RBFOX1: variants seen among roughly 807,000 people sequenced by gnomAD.
RBFOX1 encodes the protein RNA binding protein fox-1 homolog 1.
RBFOX1 carries 8 observed loss-of-function variants against 57.7 expected under a neutral mutation model. The observed-to-expected ratio is 0.14, with a 90% CI of 0.08 to 0.25. The LOEUF is 0.25. Ranked by LOEUF, RBFOX1 falls within the 10% of genes least tolerant of loss-of-function variation. RBFOX1 has a pLI of 1.00. For synonymous variants in RBFOX1, 326 were observed against 222.4 expected (o/e 1.47, Z -4.15); for missense variants, 611 against 548.5 (o/e 1.11, Z -1.14).
chr16:6,782,724 G>C (rs984412872), intron 3 of RBFOX1, among the ~76,000 whole-genome samples: 1 of 152,118 alleles, frequency 6.6e-6, no homozygotes, highest in East Asian at 1.9e-4. Flanking sequence ...GAAATGTTTT[G>C]TAAATGTCTA....
intron 1 of RBFOX1, among the ~76,000 whole-genome samples, chr16:6,264,562 G>A (rs2097721625): frequency 6.6e-6 from 1 of 152,022 alleles, no homozygotes; most frequent in Non-Finnish European, 1.5e-5. Context: ...CAGCCACAGG[G>A]CCCTTCTCTG....
At chr16:5,282,074 TG>T (rs2063285694) in intron 1 of RBFOX1, among the ~76,000 whole-genome samples, 1 of 152,216 alleles carries the variant, frequency 6.6e-6, no homozygotes, top group Non-Finnish European at 1.5e-5. Flanking sequence ...AGTTGAATTG[TG>T]GCGGCAGGTC....
chr16:5,887,703 C>T (rs1355104835), intron 4 of RBFOX1, among the ~76,000 whole-genome samples: 1 of 152,172 alleles, frequency 6.6e-6, no homozygotes, highest in Non-Finnish European at 1.5e-5. Context: ...CATACCTGGC[C>T]TCCTTTCTCC....
intron 5 of RBFOX1, among the ~76,000 whole-genome samples, chr16:7,558,246 C>T (rs930574840): frequency 6.6e-6 from 1 of 151,848 alleles, no homozygotes; most frequent in African/African-American, 2.4e-5. Flanking sequence ...CCTAGGTACT[C>T]GAGAGGCTGA....
At chr16:5,413,019 GA>G (rs1181515293) in intron 1 of RBFOX1, among the ~76,000 whole-genome samples, 1 of 152,200 alleles carries the variant, frequency 6.6e-6, no homozygotes, top group Non-Finnish European at 1.5e-5. Context: ...AGCTCTGGAT[GA>G]AGCCACTCTG....
chr16:6,295,163 C>T (rs183051677), intron 1 of RBFOX1, among the ~76,000 whole-genome samples: 349 of 145,270 alleles, frequency 2.4e-3, no homozygotes, highest in Non-Finnish European at 3.9e-3. Context: ...CTCTCTCCAT[C>T]GCCAGGCTGG....
In RBFOX1 at chr16:7,247,268, G is replaced by T. The variant is rs532867298; in HGVS notation, c.27+195170G>T. 5.3e-5 allele frequency among the ~76,000 whole-genome samples: 8 copies of T among 152,244 alleles called. No individual in the cohort carries two copies. The South Asian group carries it at 1.5e-3, about 28-fold the overall frequency. ...TGCAAACGCCTTCAAGCCTTTAACC[G>T]CATCACACTCGCTGCCGGTTAACAT... is the stretch of plus-strand genomic sequence containing the variant. On this transcript the variant is annotated intron_variant, in intron 4 of 15. Transcript: ENST00000550418.
At chr16:7,166,968 T>G in intron 4 of RBFOX1, among the ~76,000 whole-genome samples, 2 of 130,528 alleles carry the variant, frequency 1.5e-5, no homozygotes, top group Admixed American at 8.3e-5. Flanking sequence ...GCTGCATTGG[T>G]GTTCTTTTTT....
chr16:6,016,047 A>T (rs1285908082), upstream of RBFOX1, among the ~76,000 whole-genome samples: 2 of 152,228 alleles, frequency 1.3e-5, no homozygotes, highest in African/African-American at 4.8e-5. Context: ...GCCCATTTAG[A>T]CAGCAATCTA....
chr16:6,730,390 C>G (rs1444019326), intron 3 of RBFOX1, among the ~76,000 whole-genome samples: 1 of 151,070 alleles, frequency 6.6e-6, no homozygotes, highest in Non-Finnish European at 1.5e-5. Context: ...CTCTCTGTCT[C>G]TATCATCTGT....
chr16:5,396,977 T>G (rs894125715), intron 1 of RBFOX1, among the ~76,000 whole-genome samples: 2 of 152,234 alleles, frequency 1.3e-5, no homozygotes, highest in Non-Finnish European at 2.9e-5. Flanking sequence ...CTTCCTGTAG[T>G]CAGACCAGTT....
intron 1 of RBFOX1, among the ~76,000 whole-genome samples, chr16:5,283,155 A>G (rs1421283632): frequency 6.6e-6 from 1 of 152,192 alleles, no homozygotes; most frequent in Non-Finnish European, 1.5e-5. Context: ...GGGTACAAAG[A>G]AGTCAAAAAT....
intron 4 of RBFOX1, among the ~76,000 whole-genome samples, chr16:7,301,668 TC>T (rs1323224417): frequency 6.6e-6 from 1 of 152,324 alleles, no homozygotes; most frequent in East Asian, 1.9e-4. Flanking sequence ...GTATCATGTT[TC>T]TTATGAAAAT....
intron 4 of RBFOX1, among the ~76,000 whole-genome samples, chr16:7,315,089 C>T (rs974247342): frequency 4.0e-4 from 19 of 47,746 alleles, no homozygotes; most frequent in Non-Finnish European, 5.5e-4. Flanking sequence ...CAGAGAAAAG[C>T]TCTTTTTTTT....
chr16:7,691,135 G>C lies in RBFOX1; in HGVS notation c.995+14297G>C, dbSNP rs531714798. Among the ~76,000 whole-genome samples, 6 of 152,146 alleles carry C rather than the reference G, an allele frequency of 3.9e-5. No homozygotes were observed. In the South Asian group the frequency reaches 8.3e-4, roughly 21 times the overall value. On this transcript the variant is annotated intron_variant, in intron 14 of 15. Coordinates refer to ENST00000550418, the MANE Select transcript of RBFOX1 (RefSeq NM_018723.4). ...GTGGATTAAAAAATAAAATAGTACA[G>C]AATGGATACGTCAAAAAAATACTTA...
intron 2 of RBFOX1, among the ~76,000 whole-genome samples, chr16:6,341,871 G>A (rs1401817842): frequency 1.3e-5 from 2 of 152,156 alleles, no homozygotes; most frequent in African/African-American, 4.8e-5. Context: ...CTGCTTTCTG[G>A]TGACACTTTT....
intron 3 of RBFOX1, among the ~76,000 whole-genome samples, chr16:6,991,554 T>G (rs2153612067): frequency 6.6e-6 from 1 of 152,330 alleles, no homozygotes; most frequent in East Asian, 1.9e-4. Flanking sequence ...GTTGTTGTTT[T>G]GAGATGGGGT....
At chr16:5,832,487 C>T (rs1255516493) in intron 3 of RBFOX1, among the ~76,000 whole-genome samples, 1 of 152,224 alleles carries the variant, frequency 6.6e-6, no homozygotes, top group African/African-American at 2.4e-5. Flanking sequence ...ATAGTCCCAG[C>T]TCTTGGGGCT....
chr16:6,097,213 A>G lies in RBFOX1; in HGVS notation c.-127+77221A>G, dbSNP rs2096255860. ...TCTGCCATGATTGTGAGGCCTCCGTAGCCATGTGGAACTGTGAGTCCATTA... is the reference window on the plus strand; with the variant it reads ...TCTGCCATGATTGTGAGGCCTCCGTGGCCATGTGGAACTGTGAGTCCATTA... On this transcript the variant is annotated intron_variant, in intron 1 of 15. Coordinates refer to ENST00000550418, the MANE Select transcript of RBFOX1 (RefSeq NM_018723.4). This position sits in a 1 kb window ranked among gnomAD's most constrained non-coding sequence, Gnocchi z 5.0. Among the ~76,000 whole-genome samples, 1 of 152,214 alleles carries G rather than the reference A, an allele frequency of 6.6e-6. No homozygotes were observed. Among genetic ancestry groups the G allele is most frequent in the Non-Finnish European group, 1.5e-5 (1 of 68,048 alleles).
Sources: gnomAD v4.1 joint callset for allele counts (sites outside exome capture counted in the v4.1 genomes callset) on GRCh38, gnomAD v4.1.1 for gene constraint, Gnocchi (gnomAD v3.1) non-coding constraint, MANE v1.5 for transcripts, NCBI Gene and HGNC (gene_info 2026-07-23, HGNC 2026-07-21) for gene names.